The following TCF7L1 variants were observed in gnomAD, a reference collection of about 807,000 sequenced individuals.
TCF7L1 encodes transcription factor 7 like 1, also known as transcription factor 7-like 1.
TCF7L1 carries 18 observed loss-of-function variants against 63.7 expected under a neutral mutation model. That is an observed-to-expected ratio of 0.28 (90% confidence interval 0.20 to 0.42). TCF7L1 has a LOEUF of 0.42. Ranked by LOEUF, TCF7L1 falls within the 10% of genes least tolerant of loss-of-function variation. TCF7L1 has a pLI of 1.00. For missense variants in TCF7L1, 654 were observed against 779.3 expected (o/e 0.84, Z 1.91); for synonymous variants, 355 against 340.9 (o/e 1.04, Z -0.46).
intron 3 of TCF7L1, among the ~76,000 whole-genome samples, chr2:85,229,020 CAAA>C (rs1182542916): frequency 8.7e-5 from 5 of 57,372 alleles, no homozygotes; most frequent in East Asian, 6.0e-4. Flanking sequence ...GACTCTGTCT[CAAA>C]AAAAAAAAAA....
chr2:85,298,779 C>T (rs1487649500), intron 4 of TCF7L1, among the ~76,000 whole-genome samples: 1 of 152,080 alleles, frequency 6.6e-6, no homozygotes, highest in Non-Finnish European at 1.5e-5. Context: ...TGGTTCCCTA[C>T]ATTCCTAGTC....
chr2:85,135,099 C>G (rs1333043971), intron 3 of TCF7L1, among the ~76,000 whole-genome samples: 2 of 152,218 alleles, frequency 1.3e-5, no homozygotes, highest in African/African-American at 4.8e-5. Flanking sequence ...CGCTGCGACA[C>G]TTTAAACCTG....
intron 3 of TCF7L1, among the ~76,000 whole-genome samples, chr2:85,201,207 A>T: frequency 6.6e-6 from 1 of 152,332 alleles, no homozygotes; most frequent in East Asian, 1.9e-4. Context: ...CGTCTCAAGA[A>T]AACAAAAACA....
intron 3 of TCF7L1, among the ~76,000 whole-genome samples, chr2:85,270,599 C>T (rs1331991408): frequency 1.3e-5 from 2 of 152,192 alleles, no homozygotes; most frequent in Non-Finnish European, 2.9e-5. Flanking sequence ...GTGCCATGGT[C>T]TACTAGCAGT....
At chr2:85,203,852 G>A (rs1034188207) in intron 3 of TCF7L1, among the ~76,000 whole-genome samples, 8 of 152,096 alleles carry the variant, frequency 5.3e-5, no homozygotes, top group African/African-American at 1.9e-4. Context: ...ACCTTTAACA[G>A]TATTGAAAAC....
At chr2:85,282,249 A>G (rs982175888) in intron 3 of TCF7L1, among the ~76,000 whole-genome samples, 3 of 152,166 alleles carry the variant, frequency 2.0e-5, no homozygotes, top group African/African-American at 4.8e-5. Context: ...TGGCCTCCCA[A>G]AGTGCTGGGA....
intron 4 of TCF7L1, among the ~76,000 whole-genome samples, chr2:85,295,224 G>A (rs1419858207): frequency 3.3e-5 from 5 of 151,872 alleles, no homozygotes; most frequent in Admixed American, 6.6e-5. Context: ...TTTTTGAGAC[G>A]GAGTATTGCT....
chr2:85,294,267 A>C (rs901805525), intron 4 of TCF7L1, among the ~76,000 whole-genome samples: 2 of 151,754 alleles, frequency 1.3e-5, no homozygotes, highest in Non-Finnish European at 2.9e-5. Context: ...CGATCTCCTG[A>C]CCTTGTGACG....
intron 3 of TCF7L1, among the ~76,000 whole-genome samples, chr2:85,184,406 C>T (rs1193063402): frequency 6.6e-6 from 1 of 152,018 alleles, no homozygotes; most frequent in African/African-American, 2.4e-5. Flanking sequence ...TGGGACCTTC[C>T]GTGGGGAAGG....
rs147765201 is a variant in TCF7L1, at chr2:85,210,911, T to C, written c.442-72584T>C. On this transcript the variant is annotated intron_variant, in intron 3 of 11. Transcript: ENST00000282111. ...CGCAGCAACCTGCCTAAGGGTCACA[T>C]AGCTAACAAGTGGCAGAGCCCAGGA... Among the ~76,000 whole-genome samples the C allele has an allele frequency of 3.5e-3, 533 of 152,240 alleles. 5 individuals carry two copies. Among genetic ancestry groups the C allele is most frequent in the Non-Finnish European group, 5.5e-3 (376 of 68,020 alleles).
At chr2:85,252,046 G>A (rs193248111) in intron 3 of TCF7L1, among the ~76,000 whole-genome samples, 1 of 152,298 alleles carries the variant, frequency 6.6e-6, no homozygotes, top group East Asian at 1.9e-4. Flanking sequence ...CTGCACTCCA[G>A]CCTGGGTAAC....
At chr2:85,237,051 G>C (rs923859925) in intron 3 of TCF7L1, among the ~76,000 whole-genome samples, 1 of 152,156 alleles carries the variant, frequency 6.6e-6, no homozygotes, top group Non-Finnish European at 1.5e-5. Flanking sequence ...GCTCAGGAGA[G>C]GTGCTTTTTA....
rs1234214262 is a variant in TCF7L1, at chr2:85,148,829, A to G, written c.441+14379A>G. Among the ~76,000 whole-genome samples, 2 of 146,902 alleles carry G rather than the reference A, an allele frequency of 1.4e-5. 1 individual carries two copies. The highest frequency in any genetic ancestry group is 5.1e-5 in the African/African-American group (2 of 39,578). ...TGCTCTTTTGTCCGGGCTGAAGTGA[A>G]GTGGCGCGATCTTGGCTCACTGCAA... On this transcript the variant is annotated intron_variant, in intron 3 of 11. Coordinates refer to ENST00000282111, the MANE Select transcript of TCF7L1 (RefSeq NM_031283.3).
At chr2:85,298,536 G>T (rs1010831956) in intron 4 of TCF7L1, among the ~76,000 whole-genome samples, 1 of 149,744 alleles carries the variant, frequency 6.7e-6, no homozygotes, top group African/African-American at 2.5e-5. Context: ...TTCCTAGGGA[G>T]ACCAGAGTTT....
intron 3 of TCF7L1, among the ~76,000 whole-genome samples, chr2:85,218,725 C>T (rs1392332098): frequency 6.6e-6 from 1 of 152,122 alleles, no homozygotes; most frequent in African/African-American, 2.4e-5. Flanking sequence ...TTTACCCAGG[C>T]TTTCCTGACT....
intron 3 of TCF7L1, among the ~76,000 whole-genome samples, chr2:85,282,794 T>TTTTG (rs71390060): frequency 8.4e-6 from 1 of 119,140 alleles, no homozygotes; most frequent in Admixed American, 8.8e-5. Context: ...GAGAGAGAGA[T>TTTTG]TGTGTGTGTG....
At chr2:85,305,939 C>T (rs915815215) in intron 8 of TCF7L1, among the ~76,000 whole-genome samples, 1 of 152,156 alleles carries the variant, frequency 6.6e-6, no homozygotes, top group Non-Finnish European at 1.5e-5. Flanking sequence ...AGTGAGAGCT[C>T]ATCTCAGCAA....
intron 3 of TCF7L1, among the ~76,000 whole-genome samples, chr2:85,263,767 C>T (rs1212838643): frequency 6.6e-6 from 1 of 152,212 alleles, no homozygotes; most frequent in East Asian, 1.9e-4. Flanking sequence ...TGAGCGTGAT[C>T]ACCGCGTGGG....
chr2:85,307,255 G>A (rs1016429700), intron 10 of TCF7L1, among the ~76,000 whole-genome samples: 4 of 152,184 alleles, frequency 2.6e-5, no homozygotes, highest in Non-Finnish European at 5.9e-5. Context: ...TTTCGCATGC[G>A]TGTTCTTCTT....
Sources: gnomAD v4.1 joint callset for allele counts (sites outside exome capture counted in the v4.1 genomes callset) on GRCh38, gnomAD v4.1.1 for gene constraint, MANE v1.5 for transcripts, NCBI Gene and HGNC (gene_info 2026-07-23, HGNC 2026-07-21) for gene names.